The following KLHL1 variants were observed in gnomAD, a reference collection of about 807,000 sequenced individuals.
KLHL1 encodes the protein kelch-like protein 1.
A neutral mutation model predicts 77.7 loss-of-function variants in KLHL1; 47 were observed. The ratio of observed to expected loss-of-function variants is 0.60; its 90% CI spans 0.48 to 0.77. The LOEUF is 0.77. Ranked by LOEUF, KLHL1 falls within the 30% of genes least tolerant of loss-of-function variation. The probability of loss-of-function intolerance (pLI) is 0.00; values close to 1 mark genes in which losing one functional copy is unlikely to be tolerated. For missense variants in KLHL1, 925 were observed against 910.8 expected (o/e 1.02, Z -0.20); for synonymous variants, 360 against 325.2 (o/e 1.11, Z -1.15).
At chr13:69,850,511 T>C (rs116146620) in intron 5 of KLHL1, among the ~76,000 whole-genome samples, 1,827 of 151,630 alleles carry the variant, frequency 0.012, 39 homozygotes, top group African/African-American at 0.042. Context: ...CCAAATACTG[T>C]TGATTACTAT....
intron 7 of KLHL1, among the ~76,000 whole-genome samples, chr13:69,789,204 C>T (rs1306441535): frequency 6.6e-6 from 1 of 152,046 alleles, no homozygotes. Context: ...TCGATCTATG[C>T]TATCAATTTC....
intron 1 of KLHL1, among the ~76,000 whole-genome samples, chr13:70,033,206 T>C (rs900672152): frequency 6.6e-6 from 1 of 152,230 alleles, no homozygotes; most frequent in Non-Finnish European, 1.5e-5. Context: ...ACCTAAGTAA[T>C]GAGGGAAAAG....
At chr13:70,027,652 G>GTTTTTTGT (rs1555291739) in intron 1 of KLHL1, among the ~76,000 whole-genome samples, 1 of 135,840 alleles carries the variant, frequency 7.4e-6, no homozygotes, top group Non-Finnish European at 1.5e-5. Flanking sequence ...AATGTAAGTT[G>GTTTTTTGT]TTTTTTTTTT....
Position 69,988,660 on chromosome 13 carries a change from G to A in KLHL1, c.498-12858C>T, listed in dbSNP as rs952925688. ...CTTTTTAATAATAGCCATTCTGACT[G>A]GTGTGAGATAATATCTCATTGTGAT... On this transcript the variant is annotated intron_variant, in intron 1 of 10. Transcript: ENST00000377844. Among the ~76,000 whole-genome samples, 9 of 152,044 alleles carry A rather than the reference G, an allele frequency of 5.9e-5. No individual in the cohort carries two copies. In the East Asian group the frequency reaches 1.4e-3, roughly 23 times the overall value.
At chr13:69,940,467 A>C (rs1381596158) in intron 3 of KLHL1, among the ~76,000 whole-genome samples, 3 of 152,118 alleles carry the variant, frequency 2.0e-5, no homozygotes. Flanking sequence ...TTCAATCAAC[A>C]TATCTGTATA....
chr13:69,903,985 T>G (rs1324866265), intron 4 of KLHL1, among the ~76,000 whole-genome samples: 4 of 151,906 alleles, frequency 2.6e-5, no homozygotes, highest in Admixed American at 2.6e-4. Flanking sequence ...GAAGAAATGT[T>G]TACTATATGC....
chr13:69,830,041 TG>T (rs137901115), intron 6 of KLHL1, among the ~76,000 whole-genome samples: 2,320 of 148,010 alleles, frequency 0.016, 229 homozygotes, highest in African/African-American at 0.055. Context: ...AATAATACAG[TG>T]GGAAAAAAAA....
At chr13:69,804,510 T>C (rs1330643645) in intron 6 of KLHL1, among the ~76,000 whole-genome samples, 1 of 152,168 alleles carries the variant, frequency 6.6e-6, no homozygotes, top group Non-Finnish European at 1.5e-5. Flanking sequence ...GCTCTCTTAT[T>C]CAACTCACCA....
chr13:69,771,669 G>C (rs1239813249), intron 7 of KLHL1, among the ~76,000 whole-genome samples: 1 of 152,130 alleles, frequency 6.6e-6, no homozygotes, highest in Non-Finnish European at 1.5e-5. Context: ...ACTGCCAAGA[G>C]ATACTAACGG....
chr13:69,925,641 A>T (rs1882791006), intron 4 of KLHL1, among the ~76,000 whole-genome samples: 1 of 150,452 alleles, frequency 6.6e-6, no homozygotes, highest in Non-Finnish European at 1.5e-5. Flanking sequence ...CAGAAGACTG[A>T]TAGTTGTAAA....
At chr13:69,703,097 T>G (rs911032983) in intron 10 of KLHL1, among the ~76,000 whole-genome samples, 4 of 151,710 alleles carry the variant, frequency 2.6e-5, no homozygotes, top group African/African-American at 9.7e-5. Flanking sequence ...TAAGAAGCAT[T>G]TACAAAATAC....
chr13:69,895,065 A>C (rs1352183291), intron 4 of KLHL1: 1 of 489,650 alleles, frequency 2.0e-6, no homozygotes, highest in Non-Finnish European at 4.1e-6. Context: ...TCTCCTTCAG[A>C]TCACCCACTT....
At chr13:69,939,130 T>G (rs1888900) in intron 4 of KLHL1, among the ~76,000 whole-genome samples, 119 of 150,936 alleles carry the variant, frequency 7.9e-4, no homozygotes, top group African/African-American at 2.8e-3. Context: ...CAGGCACCCA[T>G]GCTATTAAAT....
intron 2 of KLHL1, among the ~76,000 whole-genome samples, chr13:69,964,056 T>TGTTTGTTTG (rs71116970): frequency 6.6e-6 from 1 of 151,174 alleles, no homozygotes; most frequent in Non-Finnish European, 1.5e-5. Flanking sequence ...TTTGTTTGTT[T>TGTTTGTTTG]TTTTAAAAAT....
chr13:70,032,202 T>C (rs1469056258), intron 1 of KLHL1, among the ~76,000 whole-genome samples: 2 of 152,220 alleles, frequency 1.3e-5, no homozygotes, highest in East Asian at 1.9e-4. Flanking sequence ...TATGGAGTGG[T>C]GAAGTGGAGC....
chr13:69,794,533 G>A (rs1877017282), intron 7 of KLHL1, among the ~76,000 whole-genome samples: 2 of 151,184 alleles, frequency 1.3e-5, no homozygotes, highest in Admixed American at 6.6e-5. Flanking sequence ...GGAGAAAAAG[G>A]ATGAACAACA....
At chr13:69,726,028 T>A (rs1873284218) in intron 8 of KLHL1, among the ~76,000 whole-genome samples, 1 of 152,156 alleles carries the variant, frequency 6.6e-6, no homozygotes, top group African/African-American at 2.4e-5. Context: ...CCATTTTGTC[T>A]TGTTCCCTGA....
intron 4 of KLHL1, among the ~76,000 whole-genome samples, chr13:69,899,383 T>G (rs1406740704): frequency 6.6e-6 from 1 of 152,146 alleles, no homozygotes; most frequent in African/African-American, 2.4e-5. Context: ...AAATCCTGGT[T>G]CACTCATCTA....
intron 7 of KLHL1, among the ~76,000 whole-genome samples, chr13:69,747,831 T>G (rs938020377): frequency 8.5e-5 from 13 of 152,098 alleles, no homozygotes; most frequent in African/African-American, 3.1e-4. Context: ...TAAATTTAAC[T>G]ATTCTTAGTG....
Sources: gnomAD v4.1 joint callset for allele counts (sites outside exome capture counted in the v4.1 genomes callset) on GRCh38, gnomAD v4.1.1 for gene constraint, MANE v1.5 for transcripts, NCBI Gene and HGNC (gene_info 2026-07-23, HGNC 2026-07-21) for gene names.